Variants in CCSER1 observed in about 807,000 individuals in gnomAD.
The protein encoded by CCSER1 is serine-rich coiled-coil domain-containing protein 1.
In CCSER1, 41 loss-of-function variants were observed where a neutral mutation model predicts 82.0. That is an observed-to-expected ratio of 0.50 (90% CI 0.39 to 0.65). The LOEUF (loss-of-function observed/expected upper bound fraction) is 0.65. Among genes scored for constraint, CCSER1 ranks in the 30% least tolerant of loss-of-function variants. CCSER1 has a pLI of 0.00. For synonymous variants in CCSER1, 414 were observed against 383.9 expected, an observed-to-expected ratio of 1.08 and a Z score of -0.92; for missense variants, 1,119 against 1,064.2, an observed-to-expected ratio of 1.05 and a Z score of -0.72.
chr4:91,233,216 A>C (rs924937577), intron 10 of CCSER1, among the ~76,000 whole-genome samples: 4 of 151,944 alleles, frequency 2.6e-5, no homozygotes, highest in African/African-American at 9.6e-5. Flanking sequence ...TAGAGTTCTG[A>C]AAGAGATTAA....
In CCSER1 at chr4:90,194,444, G is replaced by C. The variant is rs1201490187; in HGVS notation, c.-42+66613G>C. ...AAAATATATCAGATAGGTACACTCT[G>C]TCTTATATGCCATACTTCAGTGATG... On this transcript the variant is annotated intron_variant, in intron 1 of 10. Coordinates refer to ENST00000509176, the MANE Select transcript of CCSER1 (RefSeq NM_001145065.2). Among the ~76,000 whole-genome samples, 4 of 151,950 alleles carry C rather than the reference G, an allele frequency of 2.6e-5. 1 individual carries two copies. The highest frequency in any genetic ancestry group is 5.9e-5 in the Non-Finnish European group (4 of 67,940).
chr4:90,403,093 G>A lies in CCSER1; in HGVS notation c.1603+2964G>A, dbSNP rs982639817. ...TCTATTTCATTTTAGATGCCATGTT[G>A]TGTGGTTTTTAAAAAGCAGCAAACA... On this transcript the variant is annotated intron_variant, in intron 4 of 10. Transcript: ENST00000509176. Among the ~76,000 whole-genome samples, 3 of 152,294 alleles carry A rather than the reference G, an allele frequency of 2.0e-5. No homozygotes were observed. In the South Asian group the frequency reaches 6.2e-4, roughly 32 times the overall value.
intron 10 of CCSER1, among the ~76,000 whole-genome samples, chr4:91,534,169 C>T (rs1314610654): frequency 6.6e-6 from 1 of 152,054 alleles, no homozygotes; most frequent in Non-Finnish European, 1.5e-5. Context: ...AATAAATTCT[C>T]ATTAGCCACT....
intron 5 of CCSER1, among the ~76,000 whole-genome samples, chr4:90,506,663 G>A (rs1770732262): frequency 6.6e-6 from 1 of 151,856 alleles, no homozygotes; most frequent in Admixed American, 6.6e-5. Context: ...TATTCAGGAG[G>A]CTGAGTCAGG....
At chr4:91,222,123 T>G (rs1737801603) in intron 10 of CCSER1, among the ~76,000 whole-genome samples, 1 of 151,022 alleles carries the variant, frequency 6.6e-6, no homozygotes, top group Non-Finnish European at 1.5e-5. Flanking sequence ...AGAGAAAATG[T>G]GGGGGAGGGA....
intron 10 of CCSER1, among the ~76,000 whole-genome samples, chr4:91,372,158 C>T (rs1578292180): frequency 6.6e-6 from 1 of 152,180 alleles, no homozygotes; most frequent in African/African-American, 2.4e-5. Flanking sequence ...GTAATCATGC[C>T]TCTTTATATG....
At chr4:90,399,349 A>G (rs556549539) in intron 3 of CCSER1, among the ~76,000 whole-genome samples, 1 of 152,222 alleles carries the variant, frequency 6.6e-6, no homozygotes, top group Admixed American at 6.5e-5. Context: ...GGTATAATGC[A>G]AGTCAATAAT....
At chr4:90,745,400 T>G (rs1336518451) in intron 7 of CCSER1, among the ~76,000 whole-genome samples, 3 of 152,210 alleles carry the variant, frequency 2.0e-5, no homozygotes, top group Non-Finnish European at 4.4e-5. Flanking sequence ...GGCTGATTAG[T>G]CACCTTAATT....
At chr4:90,234,366 G>A (rs1288719180) in intron 1 of CCSER1, among the ~76,000 whole-genome samples, 5 of 151,932 alleles carry the variant, frequency 3.3e-5, no homozygotes, top group Non-Finnish European at 7.4e-5. Flanking sequence ...ACAGGTGCCC[G>A]CCACCACGCC....
chr4:91,141,387 G>T (rs1377435466), intron 10 of CCSER1, among the ~76,000 whole-genome samples: 2 of 152,010 alleles, frequency 1.3e-5, no homozygotes, highest in African/African-American at 4.8e-5. Flanking sequence ...CCTGACCTCA[G>T]GTGATCTGCC....
intron 9 of CCSER1, among the ~76,000 whole-genome samples, chr4:90,987,560 G>A (rs1736672609): frequency 6.6e-6 from 1 of 151,490 alleles, no homozygotes; most frequent in African/African-American, 2.4e-5. Context: ...CTTGTACCAA[G>A]GCACCCATTC....
chr4:91,420,901 G>T (rs1753648033), intron 10 of CCSER1, among the ~76,000 whole-genome samples: 1 of 152,164 alleles, frequency 6.6e-6, no homozygotes, highest in Non-Finnish European at 1.5e-5. Flanking sequence ...CCTGCCATTT[G>T]TGACAACATG....
intron 10 of CCSER1, among the ~76,000 whole-genome samples, chr4:91,305,200 G>T (rs962136576): frequency 3.3e-5 from 5 of 151,822 alleles, no homozygotes; most frequent in African/African-American, 1.2e-4. Context: ...TCAAAAGTTT[G>T]TTTTTACTTG....
At chr4:90,336,812 T>C (rs1296325685) in intron 3 of CCSER1, among the ~76,000 whole-genome samples, 1 of 152,148 alleles carries the variant, frequency 6.6e-6, no homozygotes, top group Non-Finnish European at 1.5e-5. Context: ...ATTCAGCCAG[T>C]TTTTTTGCAT....
chr4:90,932,910 GAAAGAA>G (rs1554046033), intron 9 of CCSER1, among the ~76,000 whole-genome samples: 1 of 9,010 alleles, frequency 1.1e-4, no homozygotes, highest in African/African-American at 1.1e-3. Context: ...GAAAGAAGGA[GAAAGAA>G]AGAAAGAAAG....
intron 10 of CCSER1, among the ~76,000 whole-genome samples, chr4:91,328,582 G>A (rs973228279): frequency 1.3e-5 from 2 of 151,978 alleles, no homozygotes; most frequent in African/African-American, 2.4e-5. Context: ...AATATTTTCC[G>A]AACCACTTGG....
chr4:90,966,528 G>T (rs1734576301), intron 9 of CCSER1, among the ~76,000 whole-genome samples: 1 of 151,988 alleles, frequency 6.6e-6, no homozygotes, highest in South Asian at 2.1e-4. Context: ...AAATTGAGAT[G>T]TTCCCAGATA....
At chr4:91,343,425 C>T (rs1192399932) in intron 10 of CCSER1, among the ~76,000 whole-genome samples, 1 of 151,912 alleles carries the variant, frequency 6.6e-6, no homozygotes, top group African/African-American at 2.4e-5. Flanking sequence ...ATCCTTTGAG[C>T]AAAACAGTGA....
chr4:91,288,593 T>C (rs1057383212), intron 10 of CCSER1, among the ~76,000 whole-genome samples: 1 of 151,976 alleles, frequency 6.6e-6, no homozygotes, highest in Non-Finnish European at 1.5e-5. Flanking sequence ...AGCTGTCCCT[T>C]GTGCTAAAGG....
Sources: allele counts gnomAD v4.1 joint callset (sites outside exome capture counted in the v4.1 genomes callset), GRCh38; gene constraint gnomAD v4.1.1; transcripts MANE v1.5; gene names NCBI Gene and HGNC (gene_info 2026-07-23, HGNC 2026-07-21).